Variants in SYNE2 observed in about 807,000 individuals in gnomAD.
SYNE2 encodes the protein nesprin-2.
A neutral mutation model predicts 856.3 loss-of-function variants in SYNE2; 431 were observed. The observed-to-expected ratio is 0.50, with a 90% confidence interval of 0.47 to 0.55. SYNE2 has a LOEUF of 0.55. Among genes scored for constraint, SYNE2 ranks in the 20% least tolerant of loss-of-function variants. The probability of loss-of-function intolerance (pLI) is 0.00; values close to 1 mark genes in which losing one functional copy is unlikely to be tolerated. For missense variants in SYNE2, 8,129 were observed against 8,023.2 expected, an observed-to-expected ratio of 1.01 and a Z score of -0.50; for synonymous variants, 2,923 against 2,872.3, an observed-to-expected ratio of 1.02 and a Z score of -0.56.
At chr14:64,169,531 G>A (rs563191149) in intron 93 of SYNE2, among the ~76,000 whole-genome samples, 1 of 152,312 alleles carries the variant, frequency 6.6e-6, no homozygotes, top group African/African-American at 2.4e-5. Context: ...CAGATAGCCT[G>A]GAAATGGCCT....
chr14:63,859,320 A>G (rs1438042803), intron 1 of SYNE2, among the ~76,000 whole-genome samples: 3 of 152,192 alleles, frequency 2.0e-5, no homozygotes, highest in Non-Finnish European at 4.4e-5. Flanking sequence ...TTTCCCTTTG[A>G]TTGATTTTCA....
At chr14:64,103,925 C>G (rs57034528) in intron 64 of SYNE2, among the ~76,000 whole-genome samples, 14,519 of 152,276 alleles carry the variant, frequency 0.095, 718 homozygotes, top group East Asian at 0.14. Context: ...ATTGCTGTCT[C>G]TTTCCCTGTT....
Position 63,966,831 on chromosome 14 carries a change from A to G in SYNE2, c.991-878A>G, listed in dbSNP as rs2096399635. 2.0e-5 allele frequency among the ~76,000 whole-genome samples: 3 copies of G among 152,138 alleles called. No individual in the cohort carries two copies. In the South Asian group the frequency reaches 6.2e-4, roughly 32 times the overall value. On this transcript the variant is annotated intron_variant, in intron 10 of 115. Coordinates refer to ENST00000555002, the MANE Select transcript of SYNE2 (RefSeq NM_182914.3). ...TGCCTCAGCCTCCCAAATTGCTAGG[A>G]TTACAGTCATGAGCCTCAGTGCCTG...
intron 2 of SYNE2, among the ~76,000 whole-genome samples, chr14:63,928,247 G>C (rs901635067): frequency 6.6e-6 from 1 of 152,138 alleles, no homozygotes; most frequent in Non-Finnish European, 1.5e-5. Context: ...GGAGAGATAG[G>C]GCGGTAGAGT....
chr14:64,196,575 A>C (rs2098541582), intron 99 of SYNE2, among the ~76,000 whole-genome samples: 1 of 152,224 alleles, frequency 6.6e-6, no homozygotes, highest in East Asian at 1.9e-4. Flanking sequence ...AGAGGACAAG[A>C]GGAAGGCATT....
rs1335653205 is a variant in SYNE2, at chr14:64,146,161, C to T, written c.15577C>T (p.Leu5193=). 37 of 1,612,702 alleles carry T rather than the reference C, an allele frequency of 2.3e-5. No individual in the cohort carries two copies. The highest frequency in any genetic ancestry group is 3.1e-5 in the Non-Finnish European group (37 of 1,179,538). ...CTGGCTGGAAGCACAAGAAGAGAGA[C>T]TGAAAACTTTACAAAAACCTGAAAG... ...NNWLEAQEER[L]KTLQKPESVI... The change falls in exon 84 of 116, where the codon CTG becomes TTG. Residue 5193 remains leucine (L), a synonymous_variant. Coordinates refer to ENST00000555002, the MANE Select transcript of SYNE2 (RefSeq NM_182914.3).
At chr14:64,136,550 T>C (rs542634958) in intron 78 of SYNE2, among the ~76,000 whole-genome samples, 5 of 152,300 alleles carry the variant, frequency 3.3e-5, no homozygotes, top group African/African-American at 1.2e-4. Context: ...TAATTTATTT[T>C]TTAAGATTAA....
chr14:64,021,134 T>C (rs1330971933), intron 35 of SYNE2, among the ~76,000 whole-genome samples, 181 bp from the exon 36 acceptor site: 1 of 152,206 alleles, frequency 6.6e-6, no homozygotes, highest in African/African-American at 2.4e-5. Flanking sequence ...TTTTATGTTA[T>C]GCTTTATCCT....
intron 106 of SYNE2, among the ~76,000 whole-genome samples, chr14:64,214,921 G>A (rs985777521): frequency 6.6e-6 from 1 of 152,040 alleles, no homozygotes; most frequent in African/African-American, 2.4e-5. Context: ...TAAATTTTTT[G>A]TAGAAACAAG....
chr14:64,107,734 GA>G, intron 65 of SYNE2, 127 bp downstream of exon 65: 2 of 812,736 alleles, frequency 2.5e-6, no homozygotes, highest in East Asian at 4.9e-5. Flanking sequence ...TTTAACATAT[GA>G]AGATATGTGC....
At chr14:63,961,716 AC>A in intron 9 of SYNE2, 91 bp downstream of exon 9, 4 of 897,370 alleles carry the variant, frequency 4.5e-6, no homozygotes, top group Non-Finnish European at 7.2e-6. Flanking sequence ...TGCATACAGA[AC>A]TTAAATGTAC....
intron 39 of SYNE2, 34 bp from the exon 40 acceptor site, chr14:64,024,876 TTA>T: frequency 1.2e-6 from 2 of 1,612,746 alleles, no homozygotes; most frequent in Non-Finnish European, 1.7e-6. Flanking sequence ...CACTTTTTGC[TTA>T]TTTTGTATTT....
At chr14:64,177,332 C>A in intron 95 of SYNE2, 26 bp from the exon 96 acceptor site, 1 of 1,613,856 alleles carries the variant, frequency 6.2e-7, no homozygotes, top group East Asian at 2.2e-5. Context: ...AAAATACTTA[C>A]CAGTTTTAAT....
Position 63,997,308 on chromosome 14 carries a change from A to G in SYNE2, c.3160A>G (p.Ile1054Val), listed in dbSNP as rs773784466. The change falls in exon 25 of 116, where the codon ATC (isoleucine) becomes GTC (valine). Residue 1054 changes from isoleucine to valine, a missense_variant. By Grantham distance (29) the Ile-to-Val change is conservative. Transcript: ENST00000555002. ...AGGTSKNEGT[I>V]TTSENRGGDP... ...ATTTTGATTCCTTTCTAGGGGGACC[A>G]TCACCACATCTGAGAATAGAGGAGG... 53 of 1,613,236 alleles carry G rather than the reference A, an allele frequency of 3.3e-5. No homozygotes were observed. Among genetic ancestry groups the G allele is most frequent in the Non-Finnish European group, 4.3e-5 (51 of 1,179,700 alleles).
chr14:64,107,722 A>C, intron 65 of SYNE2, 115 bp downstream of exon 65: 1 of 863,560 alleles, frequency 1.2e-6, no homozygotes, highest in Non-Finnish European at 2.0e-6. Flanking sequence ...TTCCTTGTGA[A>C]CTTTAACATA....
intron 79 of SYNE2, 108 bp from the exon 80 acceptor site, chr14:64,139,833 T>C: frequency 9.3e-7 from 1 of 1,080,814 alleles, no homozygotes; most frequent in Non-Finnish European, 1.4e-6. Flanking sequence ...ATGTTAGGAC[T>C]GATCAACATA....
chr14:64,044,694 G>A (rs1316011628), intron 45 of SYNE2, among the ~76,000 whole-genome samples: 2 of 152,174 alleles, frequency 1.3e-5, no homozygotes, highest in Non-Finnish European at 2.9e-5. Flanking sequence ...CTGTTCTCAT[G>A]ATAGTGAATG....
chr14:64,138,058 A>G (rs1370779188), intron 79 of SYNE2, 75 bp downstream of exon 79: 12 of 1,515,902 alleles, frequency 7.9e-6, no homozygotes, highest in African/African-American at 1.4e-5. Flanking sequence ...TAGTCAACTA[A>G]ATTTTACCTG....
At chr14:63,858,608 C>T (rs1476629913) in intron 1 of SYNE2, among the ~76,000 whole-genome samples, 3 of 152,062 alleles carry the variant, frequency 2.0e-5, no homozygotes, top group African/African-American at 7.2e-5. Context: ...AAGGAACCCA[C>T]TCCTGCGATG....
Sources: gnomAD v4.1 joint callset for allele counts (sites outside exome capture counted in the v4.1 genomes callset) on GRCh38, gnomAD v4.1.1 for gene constraint, MANE v1.5 for transcripts, NCBI Gene and HGNC (gene_info 2026-07-23, HGNC 2026-07-21) for gene names.